CPEB2: variants seen among roughly 807,000 people sequenced by gnomAD.
The protein encoded by CPEB2 is cytoplasmic polyadenylation element-binding protein 2.
Under a neutral mutation model 93.6 loss-of-function variants are expected in CPEB2, and 56 were observed. That is an observed-to-expected ratio of 0.60 (90% CI 0.48 to 0.75). The LOEUF (loss-of-function observed/expected upper bound fraction) is 0.75, where lower values mean the gene tolerates loss of function less well. Ranked by LOEUF, CPEB2 falls within the 30% of genes least tolerant of loss-of-function variation. The pLI, the probability that CPEB2 is intolerant of heterozygous loss-of-function variation, is 0.00. For synonymous variants in CPEB2, 764 were observed against 586.3 expected (o/e 1.30, Z -4.38); for missense variants, 1,579 against 1,395.1 (o/e 1.13, Z -2.10).
At chr4:15,018,803 A>G (rs1429285288) in intron 4 of CPEB2, among the ~76,000 whole-genome samples, 1 of 149,938 alleles carries the variant, frequency 6.7e-6, no homozygotes, top group South Asian at 2.1e-4. Flanking sequence ...CATGTTAGAC[A>G]AAATGTTCAT....
At chr4:15,025,700 G>T (rs544064803) in intron 4 of CPEB2, among the ~76,000 whole-genome samples, 2 of 152,006 alleles carry the variant, frequency 1.3e-5, no homozygotes, top group Admixed American at 1.3e-4. Flanking sequence ...GTTTTTAGTT[G>T]TACCCGACTT....
intron 3 of CPEB2, 86 bp from the exon 4 acceptor site, chr4:15,017,102 A>G (rs767462172): frequency 4.8e-4 from 345 of 721,008 alleles, no homozygotes; most frequent in Non-Finnish European, 7.8e-4. Context: ...GTCCTATTTT[A>G]TGTAAGAGAA....
rs1222649906 is a variant in CPEB2, at chr4:15,003,114, C to T, written c.441C>T (p.Pro147=). The stretch of plus-strand genomic sequence containing the variant: ...ACTTCAAACCGAGTCTGCACCACCC[C>T]TCCTCCTCCTCCGCCTCCTCCTGCT... ...SQDFKPSLHH[P]SSSSASSCCC... is the part of the protein sequence containing the mutation. Residue 147 remains proline, a synonymous_variant, in exon 1 of 12, where the codon CCC becomes CCT. Coordinates refer to ENST00000538197, the MANE Select transcript of CPEB2 (RefSeq NM_001177382.2). The T allele has an allele frequency of 3.3e-6, 5 of 1,527,332 alleles. No individual in the cohort carries two copies. The highest frequency in any genetic ancestry group is 2.8e-5 in the African/African-American group (2 of 72,122). 94.6% of individuals were successfully genotyped at this position (1,527,332 alleles called of 1,614,324 possible).
At chr4:15,052,967 T>G (rs978694632) in intron 7 of CPEB2, among the ~76,000 whole-genome samples, 2 of 151,926 alleles carry the variant, frequency 1.3e-5, no homozygotes, top group African/African-American at 4.8e-5. Flanking sequence ...AACCATAAGA[T>G]AATATCTGCA....
intron 5 of CPEB2, among the ~76,000 whole-genome samples, chr4:15,036,156 A>G (rs1178012503): frequency 6.6e-6 from 1 of 152,128 alleles, no homozygotes; most frequent in Non-Finnish European, 1.5e-5. Flanking sequence ...GCATCTGTTA[A>G]CTCAGATATA....
intron 3 of CPEB2, among the ~76,000 whole-genome samples, chr4:15,009,709 A>T (rs1189517444): frequency 6.6e-6 from 1 of 152,242 alleles, no homozygotes; most frequent in Non-Finnish European, 1.5e-5. Flanking sequence ...CATATATAGG[A>T]TACATATATA....
chr4:15,047,943 TTGAG>T (rs1727869181), intron 6 of CPEB2, among the ~76,000 whole-genome samples: 1 of 151,378 alleles, frequency 6.6e-6, no homozygotes, highest in African/African-American at 2.4e-5. Context: ...TGAATAGCTG[TTGAG>T]TTTTATCAGA....
intron 4 of CPEB2, among the ~76,000 whole-genome samples, chr4:15,029,232 T>TG (rs1250699510): frequency 6.6e-6 from 1 of 152,122 alleles, no homozygotes; most frequent in African/African-American, 2.4e-5. Context: ...TTTGGAATTT[T>TG]TTTTTCCTGA....
At chr4:15,031,697 G>C (rs1449960037) in intron 4 of CPEB2, among the ~76,000 whole-genome samples, 1 of 152,156 alleles carries the variant, frequency 6.6e-6, no homozygotes, top group African/African-American at 2.4e-5. Context: ...AGTTAACTTA[G>C]ATCTCAGGTG....
intron 5 of CPEB2, among the ~76,000 whole-genome samples, chr4:15,039,101 A>T (rs1560239172): frequency 6.6e-6 from 1 of 152,216 alleles, no homozygotes; most frequent in African/African-American, 2.4e-5. Flanking sequence ...CTTTGGGGTC[A>T]TTGGAGCTCA....
chr4:15,068,943 ATTC>A lies in CPEB2; in HGVS notation c.*2566_*2568del, dbSNP rs1175830209. On this transcript the variant is annotated 3_prime_UTR_variant, in exon 12 of 12. Coordinates refer to ENST00000538197, the MANE Select transcript of CPEB2 (RefSeq NM_001177382.2). ...TTTGTTTTTGCCCTTTATGTACTAC[ATTC>A]TTATTTTCTAACTTTTAAACACTGT... The A allele has an allele frequency of 6.7e-6, 1 of 149,720 alleles. No individual in the cohort carries two copies. Among genetic ancestry groups the A allele is most frequent in the Non-Finnish European group, 1.5e-5 (1 of 67,070 alleles). The allele number at this position is 149,720 out of a possible 1,614,324, so 9.3% of individuals were successfully genotyped here. A position where few individuals can be genotyped will look rare whatever the true frequency, so the allele number is the denominator to read the frequency against.
In CPEB2 at chr4:15,058,525, A is replaced by G. The variant is rs768159600; in HGVS notation, c.2566A>G (p.Ile856Val). 1.8e-5 allele frequency: 29 copies of G among 1,596,498 alleles called. No individual in the cohort carries two copies. The highest frequency in any genetic ancestry group is 2.4e-5 in the Non-Finnish European group (28 of 1,165,160). Residue 856 changes from isoleucine (I) to valine (V), a missense_variant, in exon 9 of 12, where the codon ATC becomes GTC. Physicochemically the swap from Ile to Val is conservative, Grantham distance 29. Coordinates refer to ENST00000538197, the MANE Select transcript of CPEB2 (RefSeq NM_001177382.2). Reference sequence around the variant, plus strand: ...CTATCTGTGTGTTTCTAGCCCTACTATCAAGGACAAACCAGTAAGTAAATA... The same window carrying G: ...CTATCTGTGTGTTTCTAGCCCTACTGTCAAGGACAAACCAGTAAGTAAATA... ...KLYLCVSSPT[I>V]KDKPVQIRPW...
At position 15,052,506 on chromosome 4, in the gene CPEB2, G is replaced by A; in HGVS notation, c.2293G>A (p.Ala765Thr). 1 of 1,597,554 alleles carries A rather than the reference G, an allele frequency of 6.3e-7. No individual in the cohort carries two copies. ...TTTAAATTCACCCACCTGTTATTCAGCTCACCAAAATGGAGAGCGAATAGA... is the reference window on the plus strand; with the variant it reads ...TTTAAATTCACCCACCTGTTATTCAACTCACCAAAATGGAGAGCGAATAGA... ...GVLNSPTCYS[A>T]HQNGERIERF... Residue 765 changes from alanine to threonine, a missense_variant, in exon 7 of 12, where the codon GCT becomes ACT. By Grantham distance (58) the Ala-to-Thr change is moderately conservative. This residue lies in a region of CPEB2 where 1,411 missense variants were observed against 1,056.0 expected (regional missense o/e 1.34). Transcript: ENST00000538197.
chr4:15,050,408 T>C (rs1055819998), intron 6 of CPEB2, among the ~76,000 whole-genome samples: 13 of 152,312 alleles, frequency 8.5e-5, no homozygotes, highest in African/African-American at 3.1e-4. Context: ...ATCGCTGCTA[T>C]AGATTATATG....
rs986489255 is a variant in CPEB2 at position 15,054,284 on chromosome 4, A to G, written c.2461+67A>G. 2.2e-5 allele frequency: 23 copies of G among 1,064,054 alleles called. No individual in the cohort carries two copies. In the Admixed American group the frequency reaches 3.6e-4, roughly 17 times the overall value. 65.9% of individuals were successfully genotyped at this position (1,064,054 alleles called of 1,614,324 possible). A position where few individuals can be genotyped will look rare whatever the true frequency, so the allele number is the denominator to read the frequency against. ...TATGAGAGCAAAAGAAAGAATAGCA[A>G]TTACTTAGCCAGTTAGGAATCATAA... On this transcript the variant is annotated intron_variant, in intron 8 of 11. Coordinates refer to ENST00000538197, the MANE Select transcript of CPEB2 (RefSeq NM_001177382.2).
At chr4:15,022,042 TAA>T (rs1434014062) in intron 4 of CPEB2, among the ~76,000 whole-genome samples, 1 of 152,180 alleles carries the variant, frequency 6.6e-6, no homozygotes, top group Non-Finnish European at 1.5e-5. Context: ...TATAAATTTC[TAA>T]AAGTCTCCAT....
intron 3 of CPEB2, among the ~76,000 whole-genome samples, chr4:15,016,659 T>C (rs1724184396): frequency 6.6e-6 from 1 of 152,010 alleles, no homozygotes; most frequent in Admixed American, 6.6e-5. Context: ...TAGTATCTTA[T>C]GCTTTTGATT....
intron 4 of CPEB2, among the ~76,000 whole-genome samples, chr4:15,030,800 G>A (rs986678237): frequency 1.3e-5 from 2 of 151,898 alleles, no homozygotes; most frequent in Non-Finnish European, 2.9e-5. Flanking sequence ...AAATAGTTAT[G>A]TTTTTTAAAC....
chr4:15,006,295 A>AT (rs1425358638), intron 1 of CPEB2, among the ~76,000 whole-genome samples: 2 of 152,258 alleles, frequency 1.3e-5, no homozygotes, highest in East Asian at 3.9e-4. Flanking sequence ...AGCAGGTTCA[A>AT]TTTTAAGAGA....
Sources: gnomAD v4.1 joint callset for allele counts (sites outside exome capture counted in the v4.1 genomes callset) on GRCh38, gnomAD v4.1.1 for gene constraint, gnomAD v4.1.1 regional missense constraint, MANE v1.5 for transcripts, NCBI Gene and HGNC (gene_info 2026-07-23, HGNC 2026-07-21) for gene names.